Variants in CPED1 observed in about 807,000 individuals in gnomAD.
CPED1 encodes cadherin like and PC-esterase domain containing 1.
A neutral mutation model predicts 128.2 loss-of-function variants in CPED1; 114 were observed. That is an observed-to-expected ratio of 0.89 (90% CI 0.76 to 1.04). CPED1 has a LOEUF of 1.04. Among genes scored for constraint, CPED1 ranks in the 50% least tolerant of loss-of-function variants. The pLI is 0.00. For synonymous variants in CPED1, 462 were observed against 426.7 expected (o/e 1.08, Z -1.02); for missense variants, 1,211 against 1,207.1 (o/e 1.00, Z -0.05).
chr7:121,042,214 C>A (rs1793077467), intron 3 of CPED1, among the ~76,000 whole-genome samples: 1 of 151,690 alleles, frequency 6.6e-6, no homozygotes, highest in Non-Finnish European at 1.5e-5. Context: ...TTCCTGAGTA[C>A]CTGCGAGGTA....
chr7:121,132,480 A>G (rs915283207), intron 12 of CPED1, among the ~76,000 whole-genome samples: 1 of 152,060 alleles, frequency 6.6e-6, no homozygotes, highest in African/African-American at 2.4e-5. Flanking sequence ...ATTGTCTTGT[A>G]GCAACGAGGT....
At chr7:121,172,350 T>A (rs1191171910) in intron 16 of CPED1, among the ~76,000 whole-genome samples, 2 of 152,118 alleles carry the variant, frequency 1.3e-5, no homozygotes, top group Non-Finnish European at 2.9e-5. Context: ...ATCTCACAGT[T>A]TCATTAACCC....
intron 4 of CPED1, chr7:121,050,331 CA>C (rs1793313815): frequency 6.5e-6 from 1 of 153,044 alleles, no homozygotes; most frequent in South Asian, 2.1e-4. Context: ...ATTCATATCT[CA>C]AATTCTATAC....
At chr7:121,236,246 T>C (rs1051771369) in intron 16 of CPED1, among the ~76,000 whole-genome samples, 3 of 152,178 alleles carry the variant, frequency 2.0e-5, no homozygotes, top group Non-Finnish European at 2.9e-5. Context: ...CTGTTGTAAA[T>C]ATAAGAATGT....
intron 2 of CPED1, among the ~76,000 whole-genome samples, chr7:121,007,062 A>C (rs1331377978): frequency 6.6e-6 from 1 of 152,032 alleles, no homozygotes; most frequent in Non-Finnish European, 1.5e-5. Flanking sequence ...AGGAGAAAAC[A>C]CTGTCCTTGT....
intron 16 of CPED1, among the ~76,000 whole-genome samples, chr7:121,145,432 T>C (rs1430966902): frequency 3.3e-5 from 5 of 152,092 alleles, no homozygotes; most frequent in Non-Finnish European, 7.4e-5. Flanking sequence ...AAGGTCTTAA[T>C]TTACAGTTTA....
chr7:121,173,526 T>C (rs1796703680), intron 16 of CPED1, among the ~76,000 whole-genome samples: 1 of 152,110 alleles, frequency 6.6e-6, no homozygotes, highest in Non-Finnish European at 1.5e-5. Context: ...TGTTCCTGCA[T>C]TGGGAACAGC....
intron 18 of CPED1, among the ~76,000 whole-genome samples, chr7:121,249,985 C>T (rs1204741470): frequency 6.6e-6 from 1 of 152,200 alleles, no homozygotes; most frequent in Non-Finnish European, 1.5e-5. Context: ...TAGACGTCTA[C>T]AGAACTCTCC....
At chr7:121,162,892 T>TA (rs2116440902) in intron 16 of CPED1, among the ~76,000 whole-genome samples, 1 of 152,352 alleles carries the variant, frequency 6.6e-6, no homozygotes, top group South Asian at 2.1e-4. Flanking sequence ...TGTACCCAAC[T>TA]ACTTACTACT....
At chr7:121,241,618 T>A (rs1798399147) in intron 17 of CPED1, among the ~76,000 whole-genome samples, 1 of 152,122 alleles carries the variant, frequency 6.6e-6, no homozygotes, top group Non-Finnish European at 1.5e-5. Context: ...ATCTCTTCAC[T>A]GTACCTAAAG....
At chr7:121,035,281 G>A (rs1215868565) in intron 3 of CPED1, among the ~76,000 whole-genome samples, 59 of 152,250 alleles carry the variant, frequency 3.9e-4, no homozygotes, top group Non-Finnish European at 1.2e-4. Context: ...GAATAACTCT[G>A]ACTATAGGAA....
At chr7:121,087,528 T>G (rs895035820) in intron 5 of CPED1, among the ~76,000 whole-genome samples, 1 of 152,232 alleles carries the variant, frequency 6.6e-6, no homozygotes, top group African/African-American at 2.4e-5. Context: ...TAATTTCCCA[T>G]TTTAACTTAA....
At position 121,095,419 on chromosome 7, in the gene CPED1, C is replaced by G. The variant is rs562476975; in HGVS notation, c.617-2280C>G. ...TTAAAGATATAAATGAAGCTTATAT[C>G]TAAGTTGTGGCTATAATCAAGTTAA... On this transcript the variant is annotated intron_variant, in intron 5 of 22. Transcript: ENST00000310396. 4.6e-5 allele frequency among the ~76,000 whole-genome samples: 7 copies of G among 151,584 alleles called. 1 individual carries two copies. The highest frequency in any genetic ancestry group is 1.4e-4 in the African/African-American group (6 of 41,392).
intron 3 of CPED1, among the ~76,000 whole-genome samples, chr7:121,024,900 T>C (rs1285714661): frequency 6.6e-6 from 1 of 151,980 alleles, no homozygotes; most frequent in East Asian, 1.9e-4. Context: ...AAAAAGGGAG[T>C]TTGGAGACTC....
chr7:121,101,379 T>C (rs971609668), intron 7 of CPED1, among the ~76,000 whole-genome samples: 2 of 152,174 alleles, frequency 1.3e-5, no homozygotes, highest in Non-Finnish European at 2.9e-5. Context: ...ATGTCCTTAA[T>C]CTTTAATTCT....
intron 16 of CPED1, among the ~76,000 whole-genome samples, chr7:121,233,246 C>T (rs575828811): frequency 6.6e-6 from 1 of 152,146 alleles, no homozygotes; most frequent in Non-Finnish European, 1.5e-5. Context: ...TGGAGTTTGG[C>T]GCTTCCTTTT....
chr7:121,280,384 T>A (rs565591225), intron 22 of CPED1, among the ~76,000 whole-genome samples: 1 of 152,168 alleles, frequency 6.6e-6, no homozygotes, highest in Admixed American at 6.5e-5. Flanking sequence ...CTCCTTACAA[T>A]CAGTCTCCGC....
chr7:121,094,633 A>T (rs1273934128), intron 5 of CPED1, among the ~76,000 whole-genome samples: 2 of 152,180 alleles, frequency 1.3e-5, no homozygotes, highest in African/African-American at 4.8e-5. Context: ...CAGAAGATTC[A>T]TGGGATTTAC....
intron 12 of CPED1, among the ~76,000 whole-genome samples, chr7:121,132,723 C>T (rs1304413150): frequency 6.6e-6 from 1 of 151,994 alleles, no homozygotes; most frequent in Non-Finnish European, 1.5e-5. Flanking sequence ...AATGTATTCA[C>T]AAAATTATGC....
Sources: gnomAD v4.1 joint callset for allele counts (sites outside exome capture counted in the v4.1 genomes callset) on GRCh38, gnomAD v4.1.1 for gene constraint, MANE v1.5 for transcripts, NCBI Gene and HGNC (gene_info 2026-07-23, HGNC 2026-07-21) for gene names.